The following KLHL1 variants were observed in gnomAD, a reference collection of about 807,000 sequenced individuals.
KLHL1 encodes kelch-like protein 1.
KLHL1 carries 47 observed loss-of-function variants against 77.7 expected under a neutral mutation model. The observed-to-expected ratio is 0.60, with a 90% confidence interval of 0.48 to 0.77. The LOEUF (loss-of-function observed/expected upper bound fraction) is 0.77. Among genes scored for constraint, KLHL1 ranks in the 30% least tolerant of loss-of-function variants. The pLI is 0.00. For missense variants in KLHL1, 925 were observed against 910.8 expected, an observed-to-expected ratio of 1.02 and a Z score of -0.20; for synonymous variants, 360 against 325.2, an observed-to-expected ratio of 1.11 and a Z score of -1.15.
chr13:69,927,118 A>G (rs553130930), intron 4 of KLHL1, among the ~76,000 whole-genome samples: 1 of 152,246 alleles, frequency 6.6e-6, no homozygotes, highest in East Asian at 1.9e-4. Context: ...TTTATAGTCA[A>G]TTGATCTTGG....
intron 4 of KLHL1, among the ~76,000 whole-genome samples, chr13:69,920,194 A>G (rs1377798545): frequency 6.6e-6 from 1 of 152,090 alleles, no homozygotes; most frequent in East Asian, 1.9e-4. Context: ...AGAGTTCTGG[A>G]AACAGCTTAT....
At chr13:69,746,076 T>C (rs73210469) in intron 7 of KLHL1, among the ~76,000 whole-genome samples, 1 of 151,544 alleles carries the variant, frequency 6.6e-6, no homozygotes, top group African/African-American at 2.4e-5. Context: ...GATTTCCCTA[T>C]GCTATTGCAA....
At chr13:69,936,069 A>G (rs1420727323) in intron 4 of KLHL1, among the ~76,000 whole-genome samples, 1 of 152,218 alleles carries the variant, frequency 6.6e-6, no homozygotes, top group African/African-American at 2.4e-5. Context: ...AGCTAATGCC[A>G]TGAAAAGTTT....
At chr13:70,020,234 A>G (rs1418326663) in intron 1 of KLHL1, among the ~76,000 whole-genome samples, 2 of 152,168 alleles carry the variant, frequency 1.3e-5, no homozygotes, top group African/African-American at 4.8e-5. Context: ...TCAATACATA[A>G]ACTGAGGTTG....
At chr13:69,745,948 A>T (rs1874196196) in intron 7 of KLHL1, among the ~76,000 whole-genome samples, 1 of 151,602 alleles carries the variant, frequency 6.6e-6, no homozygotes, top group South Asian at 2.1e-4. Flanking sequence ...GTCTCTTCTA[A>T]TCCAGAACAC....
chr13:69,939,761 C>T (rs1024634396), intron 4 of KLHL1, among the ~76,000 whole-genome samples: 4 of 152,088 alleles, frequency 2.6e-5, no homozygotes, highest in African/African-American at 9.7e-5. Context: ...CCCTACACAT[C>T]TCTTCATCTG....
rs200660318 is a variant in KLHL1, at chr13:69,878,697, CATAT to C, written c.1227+3582_1227+3585del. 3.0e-4 allele frequency among the ~76,000 whole-genome samples: 45 copies of C among 149,160 alleles called. No individual in the cohort carries two copies. In the Middle Eastern group the frequency reaches 0.014, roughly 46 times the overall value. On this transcript the variant is annotated intron_variant, in intron 5 of 10. Transcript: ENST00000377844. ...ATGTGTACACATATATGTGTGTATG[CATAT>C]ATATATATATAGAGAGAGAGAGAGA...
chr13:69,840,999 A>G (rs2138113940), intron 5 of KLHL1, among the ~76,000 whole-genome samples: 1 of 152,038 alleles, frequency 6.6e-6, no homozygotes, highest in African/African-American at 2.4e-5. Flanking sequence ...GCTGGCTCTC[A>G]TGAATTCTCA....
intron 1 of KLHL1, among the ~76,000 whole-genome samples, chr13:70,086,708 CT>C (rs10670182): frequency 5.0e-4 from 70 of 140,426 alleles, no homozygotes; most frequent in East Asian, 6.2e-4. Context: ...CCTTTTCAAA[CT>C]TTTTTTTTTT....
intron 1 of KLHL1, among the ~76,000 whole-genome samples, chr13:70,000,523 T>C (rs1885262202): frequency 6.6e-6 from 1 of 151,964 alleles, no homozygotes; most frequent in Non-Finnish European, 1.5e-5. Flanking sequence ...CAAAGTTTGA[T>C]TGATCTTTTC....
intron 1 of KLHL1, among the ~76,000 whole-genome samples, chr13:70,066,177 G>C (rs1412146500): frequency 1.3e-5 from 2 of 152,178 alleles, no homozygotes; most frequent in Non-Finnish European, 2.9e-5. Context: ...TCTGCACTGT[G>C]AATTTACACT....
rs114809734 is a variant in KLHL1 at position 69,766,762 on chromosome 13, A to C, written c.1640-26206T>G. Among the ~76,000 whole-genome samples the C allele has an allele frequency of 4.0e-3, 611 of 152,204 alleles. 6 individuals carry two copies. Among genetic ancestry groups the C allele is most frequent in the African/African-American group, 0.014 (576 of 41,548 alleles). On this transcript the variant is annotated intron_variant, in intron 7 of 10. Transcript: ENST00000377844. ...CTCTTAATGATATTTTTGGGTTGTCATAGTGCATCAGGTAAAAATGGGGTT... is the reference window on the plus strand; with the variant it reads ...CTCTTAATGATATTTTTGGGTTGTCCTAGTGCATCAGGTAAAAATGGGGTT...
At chr13:70,084,458 C>CTTTTTTTTTTT (rs1386556599) in intron 1 of KLHL1, among the ~76,000 whole-genome samples, 13 of 62,752 alleles carry the variant, frequency 2.1e-4, no homozygotes, top group African/African-American at 9.2e-4. Flanking sequence ...TCTATTTCTT[C>CTTTTTTTTTTT]TTCTTCTTTT....
At chr13:69,977,721 C>T (rs1047442573) in intron 1 of KLHL1, among the ~76,000 whole-genome samples, 25 of 152,084 alleles carry the variant, frequency 1.6e-4, no homozygotes, top group African/African-American at 6.0e-4. Context: ...TTTATTGAAC[C>T]TCTTCCTCTT....
chr13:69,951,328 A>G (rs1205225070), intron 3 of KLHL1, among the ~76,000 whole-genome samples: 3 of 151,368 alleles, frequency 2.0e-5, no homozygotes, highest in African/African-American at 7.3e-5. Flanking sequence ...TCTTTCCTTT[A>G]TATTCTACAT....
At chr13:69,822,823 G>T (rs115891595) in intron 6 of KLHL1, among the ~76,000 whole-genome samples, 6,766 of 152,064 alleles carry the variant, frequency 0.044, 204 homozygotes, top group African/African-American at 0.076. Flanking sequence ...ATCTGATAAA[G>T]ATTAAATTGA....
chr13:69,981,364 C>T (rs17086099), intron 1 of KLHL1, among the ~76,000 whole-genome samples: 23,148 of 151,600 alleles, frequency 0.15, 3,757 homozygotes, highest in African/African-American at 0.41. Context: ...GTAACGAAAA[C>T]GGCAAAATAA....
At chr13:69,802,534 G>A (rs768251594) in intron 6 of KLHL1, among the ~76,000 whole-genome samples, 6 of 151,986 alleles carry the variant, frequency 3.9e-5, no homozygotes, top group South Asian at 2.1e-4. Context: ...ACAGCCTGGC[G>A]CCACACCCTG....
chr13:69,725,291 T>C (rs916292938), intron 8 of KLHL1, among the ~76,000 whole-genome samples: 1 of 152,170 alleles, frequency 6.6e-6, no homozygotes, highest in Non-Finnish European at 1.5e-5. Flanking sequence ...TGGACAATTG[T>C]CTGTTAACCC....
Sources: allele counts gnomAD v4.1 joint callset (sites outside exome capture counted in the v4.1 genomes callset), GRCh38; gene constraint gnomAD v4.1.1; transcripts MANE v1.5; gene names NCBI Gene and HGNC (gene_info 2026-07-23, HGNC 2026-07-21).